The following PPM1L variants were observed in gnomAD, a reference collection of about 807,000 sequenced individuals.
PPM1L encodes the protein protein phosphatase 1L.
In PPM1L, 13 loss-of-function variants were observed where a neutral mutation model predicts 31.4. The ratio of observed to expected loss-of-function variants is 0.41; its 90% confidence interval spans 0.27 to 0.66. PPM1L has a LOEUF of 0.66. PPM1L is among the 30% of genes least tolerant of loss of function. The probability of loss-of-function intolerance (pLI) is 0.29; values close to 1 mark genes in which losing one functional copy is unlikely to be tolerated. For synonymous variants in PPM1L, 184 were observed against 175.4 expected (o/e 1.05, Z -0.39); for missense variants, 326 against 453.7 (o/e 0.72, Z 2.56).
intron 2 of PPM1L, among the ~76,000 whole-genome samples, chr3:161,049,192 C>G (rs1252024941): frequency 1.3e-5 from 2 of 151,544 alleles, no homozygotes; most frequent in Non-Finnish European, 2.9e-5. Context: ...GTGGGAGGAT[C>G]ACTTGAGGTG....
At chr3:161,035,710 A>T (rs1718723282) in intron 2 of PPM1L, 1 of 152,262 alleles carries the variant, frequency 6.6e-6, no homozygotes, top group East Asian at 1.9e-4. Context: ...CCAGGAACTT[A>T]ACCAAAGTTA....
At chr3:160,909,333 G>T (rs1376114091) in intron 1 of PPM1L, among the ~76,000 whole-genome samples, 1 of 152,126 alleles carries the variant, frequency 6.6e-6, no homozygotes, top group African/African-American at 2.4e-5. Context: ...TAATAGACTT[G>T]GGGGTTTCTT....
At chr3:161,017,025 A>C (rs1037550812) in intron 2 of PPM1L, among the ~76,000 whole-genome samples, 2 of 152,162 alleles carry the variant, frequency 1.3e-5, no homozygotes, top group Admixed American at 6.6e-5. Flanking sequence ...TGAAAGAGCC[A>C]ATTTGAAATA....
intron 1 of PPM1L, among the ~76,000 whole-genome samples, chr3:160,937,855 G>A (rs1347171853): frequency 6.6e-6 from 1 of 152,178 alleles, no homozygotes; most frequent in Non-Finnish European, 1.5e-5. Flanking sequence ...CTTTCTAAGT[G>A]TATGTGTTTT....
At chr3:161,065,614 A>G in intron 3 of PPM1L, 50 bp downstream of exon 3, 1 of 1,579,506 alleles carries the variant, frequency 6.3e-7, no homozygotes, top group Non-Finnish European at 8.7e-7. Context: ...GCTGGTGAAC[A>G]AGGCGGCTTG....
intron 1 of PPM1L, among the ~76,000 whole-genome samples, chr3:160,914,890 G>C (rs969796808): frequency 6.6e-6 from 1 of 152,098 alleles, no homozygotes; most frequent in Non-Finnish European, 1.5e-5. Flanking sequence ...GGTTGAACTA[G>C]TTTACAGTCC....
chr3:160,812,212 C>T (rs549445222), intron 1 of PPM1L, among the ~76,000 whole-genome samples: 2 of 152,290 alleles, frequency 1.3e-5, no homozygotes, highest in East Asian at 1.9e-4. Context: ...CTGCCAAGAA[C>T]GGTTCTTTCT....
intron 1 of PPM1L, among the ~76,000 whole-genome samples, chr3:160,764,711 G>GC (rs544988282): frequency 4.6e-5 from 7 of 151,892 alleles, no homozygotes; most frequent in Non-Finnish European, 8.8e-5. Flanking sequence ...CAGGCAATCT[G>GC]CCCCCCTCGG....
At chr3:160,968,658 G>A (rs867290884) in intron 2 of PPM1L, among the ~76,000 whole-genome samples, 5 of 152,178 alleles carry the variant, frequency 3.3e-5, no homozygotes, top group African/African-American at 7.2e-5. Flanking sequence ...ATGTGTTTGA[G>A]GGAATTATGA....
chr3:161,030,989 C>T (rs954999449), intron 2 of PPM1L, among the ~76,000 whole-genome samples: 1 of 152,098 alleles, frequency 6.6e-6, no homozygotes, highest in Non-Finnish European at 1.5e-5. Context: ...TCTCAAAAAC[C>T]ACACCTACCC....
At chr3:161,054,470 C>A (rs959703018) in intron 2 of PPM1L, among the ~76,000 whole-genome samples, 1 of 152,028 alleles carries the variant, frequency 6.6e-6, no homozygotes, top group Non-Finnish European at 1.5e-5. Context: ...CAGCTCTGGA[C>A]GGCACCATTC....
intron 2 of PPM1L, among the ~76,000 whole-genome samples, chr3:160,987,038 A>G (rs1241432409): frequency 6.6e-6 from 1 of 152,232 alleles, no homozygotes; most frequent in Non-Finnish European, 1.5e-5. Flanking sequence ...CGCATTATTC[A>G]TAAGAACCTG....
intron 1 of PPM1L, among the ~76,000 whole-genome samples, chr3:160,925,470 A>G (rs116363506): frequency 0.012 from 1,860 of 152,298 alleles, 36 homozygotes; most frequent in African/African-American, 0.043. Context: ...TAATGTGATT[A>G]TTATTAACAA....
At chr3:160,883,876 C>G (rs1382954123) in intron 1 of PPM1L, among the ~76,000 whole-genome samples, 3 of 102,668 alleles carry the variant, frequency 2.9e-5, no homozygotes, top group African/African-American at 1.0e-4. Context: ...GAGACCTTGT[C>G]TCTACAAAAA....
intron 2 of PPM1L, among the ~76,000 whole-genome samples, chr3:160,974,616 T>C (rs1293452883): frequency 6.6e-6 from 1 of 151,618 alleles, no homozygotes; most frequent in Non-Finnish European, 1.5e-5. Flanking sequence ...ATTTCTCTGA[T>C]GGCCAGTGAT....
At chr3:160,907,388 A>G (rs912568848) in intron 1 of PPM1L, among the ~76,000 whole-genome samples, 1 of 152,220 alleles carries the variant, frequency 6.6e-6, no homozygotes, top group African/African-American at 2.4e-5. Context: ...AGTAGTTAAA[A>G]CAAATCACAT....
intron 2 of PPM1L, among the ~76,000 whole-genome samples, chr3:161,048,658 T>G (rs1719161048): frequency 6.6e-6 from 1 of 152,042 alleles, no homozygotes; most frequent in Admixed American, 6.5e-5. Flanking sequence ...TTATTCACAA[T>G]AGCAAAGACT....
intron 2 of PPM1L, among the ~76,000 whole-genome samples, chr3:161,026,414 G>A (rs980482165): frequency 2.0e-5 from 3 of 152,324 alleles, no homozygotes; most frequent in Non-Finnish European, 2.9e-5. Context: ...AAAAGTTGAC[G>A]GCCGGGCGTG....
At chr3:160,938,163 T>G (rs561035274) in intron 1 of PPM1L, among the ~76,000 whole-genome samples, 30 of 152,320 alleles carry the variant, frequency 2.0e-4, no homozygotes, top group Non-Finnish European at 4.3e-4. Flanking sequence ...GAATTGCTAT[T>G]ATTTAATAAA....
Sources: gnomAD v4.1 joint callset for allele counts (sites outside exome capture counted in the v4.1 genomes callset) on GRCh38, gnomAD v4.1.1 for gene constraint, MANE v1.5 for transcripts, NCBI Gene and HGNC (gene_info 2026-07-23, HGNC 2026-07-21) for gene names.